Variants in ACTG1 observed in about 807,000 individuals in gnomAD.
The protein encoded by ACTG1 is actin gamma 1.
A neutral mutation model predicts 34.3 loss-of-function variants in ACTG1; 14 were observed. That is an observed-to-expected ratio of 0.41 (90% confidence interval 0.27 to 0.64). The LOEUF (loss-of-function observed/expected upper bound fraction) is 0.64, where lower values mean the gene tolerates loss of function less well. Among genes scored for constraint, ACTG1 ranks in the 30% least tolerant of loss-of-function variants. The pLI, the probability that ACTG1 is intolerant of heterozygous loss-of-function variation, is 0.33. For missense variants in ACTG1, 233 were observed against 529.5 expected, an observed-to-expected ratio of 0.44 and a Z score of 5.50; for synonymous variants, 422 against 213.9, an observed-to-expected ratio of 1.97 and a Z score of -8.49.
At chr17:81,511,131 A>T (rs781927461) in intron 4 of ACTG1, 23 bp from the exon 5 acceptor site, 19 of 1,613,714 alleles carry the variant, frequency 1.2e-5, no homozygotes, top group African/African-American at 8.0e-5. Flanking sequence ...GCCCTCCCTT[A>T]GTGATGCTGT....
At chr17:81,511,156 A>T (rs782687438) in intron 4 of ACTG1, 32 bp downstream of exon 4, 11 of 1,613,604 alleles carry the variant, frequency 6.8e-6, no homozygotes, top group Non-Finnish European at 8.5e-6. Flanking sequence ...CCGAGGATGT[A>T]AGAGTAGAAA....
rs372748659 is a variant in ACTG1, at chr17:81,511,558, G to C, written c.432C>G (p.Ala144=). 16 of 1,613,868 alleles carry C rather than the reference G, an allele frequency of 9.9e-6. No individual in the cohort carries two copies. Among genetic ancestry groups the C allele is most frequent in the South Asian group, 3.3e-5 (3 of 91,090 alleles). The part of the protein sequence containing the change: ...VAIQAVLSLY[A]SGRTTGIVMD... Reference sequence around the variant, plus strand: ...TGACAATGCCAGTGGTGCGCCCAGAGGCGTAGAGGGACAGCACGGCCTGGA... The same window carrying C: ...TGACAATGCCAGTGGTGCGCCCAGACGCGTAGAGGGACAGCACGGCCTGGA... Residue 144 remains alanine, a synonymous_variant, in exon 4 of 6, where the codon GCC becomes GCG. Coordinates refer to ENST00000573283, the MANE Select transcript of ACTG1 (RefSeq NM_001614.5).
At chr17:81,512,502 A>C in intron 1 of ACTG1, 142 bp from the exon 2 acceptor site, 1 of 1,378,454 alleles carries the variant, frequency 7.3e-7, no homozygotes. Context: ...ACCGCCTGGA[A>C]CCGAAGGCCG....
At chr17:81,512,564 C>T (rs959647808) in intron 1 of ACTG1, 170 bp downstream of exon 1, 34 of 793,760 alleles carry the variant, frequency 4.3e-5, no homozygotes, top group South Asian at 4.0e-4. Context: ...GGCCGGGCCC[C>T]GCCCTGGACC....
chr17:81,511,861 G>C (rs782800711), intron 3 of ACTG1, 42 bp downstream of exon 3: 3 of 1,612,162 alleles, frequency 1.9e-6, no homozygotes, highest in Non-Finnish European at 2.5e-6. Context: ...GAAAATGACT[G>C]GGGAAAGGAC....
Position 81,511,978 on chromosome 17 carries a change from C to G in ACTG1, c.288G>C (p.Val96=). ...WHHTFYNELR[V]APEEHPVLLT... is the part of the protein sequence containing the mutation. ...GCAGCACTGGGTGCTCCTCCGGGGC[C>G]ACGCGCAGCTCGTTGTAGAAGGTGT... The change falls in exon 3 of 6, where the codon GTG becomes GTC. Residue 96 remains valine (V), a synonymous_variant. Coordinates refer to ENST00000573283, the MANE Select transcript of ACTG1 (RefSeq NM_001614.5). The G allele has an allele frequency of 6.2e-7, 1 of 1,614,094 alleles. No homozygotes were observed. Among genetic ancestry groups the G allele is most frequent in the Non-Finnish European group, 8.5e-7 (1 of 1,180,044 alleles).
rs201279208 is a variant in ACTG1 at position 81,512,150 on chromosome 17, G to T, written c.124-8C>A. Reference sequence around the variant, plus strand: ...CATGCCCACCATGACGCCCTGCAGGGGACGACCCGTCAGCCTCGCCGGCGA... The same window carrying T: ...CATGCCCACCATGACGCCCTGCAGGTGACGACCCGTCAGCCTCGCCGGCGA... On this transcript the variant is annotated splice_region_variant and splice_polypyrimidine_tract_variant and intron_variant, in intron 2 of 5. Transcript: ENST00000573283. The T allele has an allele frequency of 6.2e-7, 1 of 1,613,506 alleles. No individual in the cohort carries two copies. Among genetic ancestry groups the T allele is most frequent in the Non-Finnish European group, 8.5e-7 (1 of 1,180,026 alleles).
rs782137311 is a variant in ACTG1 at position 81,512,217 on chromosome 17, G to A, written c.123+15C>T. 6 of 1,613,390 alleles carry A rather than the reference G, an allele frequency of 3.7e-6. No individual in the cohort carries two copies. The South Asian group carries it at 4.4e-5, about 12-fold the overall frequency. On this transcript the variant is annotated intron_variant, in intron 2 of 5. Transcript: ENST00000573283. Reference sequence around the variant, plus strand: ...CAACGCAGAACCCAGGAGCCCCGCGGCGCCATCCACTCACCTGGTGTCTGG... The same window carrying A: ...CAACGCAGAACCCAGGAGCCCCGCGACGCCATCCACTCACCTGGTGTCTGG...
chr17:81,512,138 A>C lies in ACTG1; in HGVS notation c.128T>G (p.Val43Gly), dbSNP rs1555667138. 6.2e-7 allele frequency: 1 copy of C among 1,613,522 alleles called. No individual in the cohort carries two copies. The highest frequency in any genetic ancestry group is 8.5e-7 in the Non-Finnish European group (1 of 1,179,992). ...SIVGRPRHQGVMVGMGQKDSY... is the reference protein window; with the variant it reads ...SIVGRPRHQGGMVGMGQKDSY... ...GTCCTTCTGGCCCATGCCCACCATG[A>C]CGCCCTGCAGGGGACGACCCGTCAG... Residue 43 changes from valine to glycine, a missense_variant, in exon 3 of 6, where the codon GTC becomes GGC. Physicochemically the swap from Val to Gly is moderately radical, Grantham distance 109 (BLOSUM62 -3). Transcript: ENST00000573283.
At chr17:81,512,627 T>G in intron 1 of ACTG1, 107 bp downstream of exon 1, 1 of 509,848 alleles carries the variant, frequency 2.0e-6, no homozygotes, top group Non-Finnish European at 3.5e-6. Flanking sequence ...CGCCTTTTGT[T>G]CCCGGGGAAG....
chr17:81,511,835 G>C (rs542427759), intron 3 of ACTG1, 68 bp downstream of exon 3: 1 of 1,609,136 alleles, frequency 6.2e-7, no homozygotes, highest in Middle Eastern at 1.7e-4. Flanking sequence ...TTAAATGTCA[G>C]AAATCAAGCC....
intron 1 of ACTG1, 84 bp downstream of exon 1, chr17:81,512,650 C>T: frequency 2.2e-6 from 1 of 454,868 alleles, no homozygotes; most frequent in East Asian, 4.7e-5. Context: ...GCGACGAGGC[C>T]TCGGCAGCTG....
At position 81,511,405 on chromosome 17, in the gene ACTG1, C is replaced by T. The variant is rs1598548706; in HGVS notation, c.585G>A (p.Glu195=). 6.2e-6 allele frequency: 10 copies of T among 1,613,962 alleles called. 1 individual carries two copies. In the African/African-American group the frequency reaches 8.0e-5, roughly 13 times the overall value. ...LTDYLMKILT[E]RGYSFTTTAE... is the part of the protein sequence containing the mutation. ...CCGTGGTGGTGAAGCTGTAGCCTCG[C>T]TCAGTGAGGATCTTCATGAGGTAGT... is the stretch of plus-strand genomic sequence containing the variant. Residue 195 remains glutamate (E), a synonymous_variant, in exon 4 of 6, where the codon GAG becomes GAA. Transcript: ENST00000573283.
In ACTG1 at chr17:81,510,599, G is replaced by C; in HGVS notation, c.*91C>G. ...TTTCGAAGGCTTATTCCAGTTTCGTGAGGCTAGCATGAGGTGTGTGCATTT... is the reference window on the plus strand; with the variant it reads ...TTTCGAAGGCTTATTCCAGTTTCGTCAGGCTAGCATGAGGTGTGTGCATTT... On this transcript the variant is annotated 3_prime_UTR_variant, in exon 6 of 6. Coordinates refer to ENST00000573283, the MANE Select transcript of ACTG1 (RefSeq NM_001614.5). The C allele has an allele frequency of 1.3e-6, 2 of 1,524,436 alleles. No individual in the cohort carries two copies. The highest frequency in any genetic ancestry group is 1.8e-6 in the Non-Finnish European group (2 of 1,100,566). The allele number at this position is 1,524,436 out of a possible 1,614,324, so 94.4% of individuals were successfully genotyped here. A position where few individuals can be genotyped will look rare whatever the true frequency, so the allele number is the denominator to read the frequency against.
In ACTG1 at chr17:81,510,711, G is replaced by T. The variant is rs372665803; in HGVS notation, c.1107C>A (p.Ile369=). 3.7e-6 allele frequency: 6 copies of T among 1,613,966 alleles called. No homozygotes were observed. Among genetic ancestry groups the T allele is most frequent in the Non-Finnish European group, 5.1e-6 (6 of 1,180,020 alleles). Residue 369 remains isoleucine, a synonymous_variant, in exon 6 of 6, where the codon ATC becomes ATA. Transcript: ENST00000573283. ...CCGTTTAGAAGCATTTGCGGTGGAC[G>T]ATGGAGGGGCCCGACTCGTCGTACT... ...KQEYDESGPS[I]VHRKCF
At chr17:81,512,640 G>A (rs1270805704) in intron 1 of ACTG1, 94 bp downstream of exon 1, 2 of 481,210 alleles carry the variant, frequency 4.2e-6, no homozygotes, top group Non-Finnish European at 7.5e-6. Context: ...CGGGGAAGGC[G>A]CGACGAGGCC....
At position 81,510,919 on chromosome 17, in the gene ACTG1, C is replaced by CGA. The variant is rs782022662; in HGVS notation, c.984+6_984+7dup. 1.9e-6 allele frequency: 3 copies of CGA among 1,613,998 alleles called. No homozygotes were observed. The highest frequency in any genetic ancestry group is 2.5e-6 in the Non-Finnish European group (3 of 1,179,980). ...GCCAGGCAGAGGGCCACCAACCCCTCGACTCACCTTGATCTTCATGGTGCT... is the reference window on the plus strand; with the variant it reads ...GCCAGGCAGAGGGCCACCAACCCCTCGAGACTCACCTTGATCTTCATGGTGCT... On this transcript the variant is annotated splice_region_variant and intron_variant, in intron 5 of 5. Transcript: ENST00000573283.
intron 1 of ACTG1, 42 bp downstream of exon 1, chr17:81,512,692 G>A (rs1042541051): frequency 5.9e-5 from 24 of 407,130 alleles, no homozygotes; most frequent in African/African-American, 2.2e-4. Flanking sequence ...GGGGGGCGCA[G>A]GCCTGCGACG....
rs2031644102 is a variant in ACTG1, at chr17:81,509,972, TG to T, written c.*717del. The T allele has an allele frequency of 2.6e-6, 1 of 382,868 alleles. No homozygotes were observed. The highest frequency in any genetic ancestry group is 5.2e-6 in the Non-Finnish European group (1 of 193,706). 23.7% of individuals were successfully genotyped at this position (382,868 alleles called of 1,614,324 possible). On this transcript the variant is annotated 3_prime_UTR_variant, in exon 6 of 6. Coordinates refer to ENST00000573283, the MANE Select transcript of ACTG1 (RefSeq NM_001614.5). The stretch of plus-strand genomic sequence containing the variant: ...ACTTCCCCAAACAGGAGCCATTCAT[TG>T]GTTACGGCAGCACTTTTATTTTTCC...
Sources: allele counts gnomAD v4.1 joint callset, GRCh38; gene constraint gnomAD v4.1.1; transcripts MANE v1.5; gene names NCBI Gene and HGNC (gene_info 2026-07-23, HGNC 2026-07-21).